Variants in ITPR1 observed in about 807,000 individuals in gnomAD.
The protein encoded by ITPR1 is inositol 1,4,5-trisphosphate receptor type 1.
ITPR1 carries 96 observed loss-of-function variants against 318.4 expected under a neutral mutation model. The observed-to-expected ratio is 0.30, with a 90% CI of 0.26 to 0.36. The LOEUF is 0.36. Ranked by LOEUF, ITPR1 falls within the 10% of genes least tolerant of loss-of-function variation. The pLI is 1.00. For missense variants in ITPR1, 2,440 were observed against 3,460.2 expected, an observed-to-expected ratio of 0.71 and a Z score of 7.40; for synonymous variants, 1,312 against 1,289.9, an observed-to-expected ratio of 1.02 and a Z score of -0.37.
At chr3:4,502,206 T>G (rs991989691) in intron 2 of ITPR1, among the ~76,000 whole-genome samples, 1 of 152,180 alleles carries the variant, frequency 6.6e-6, no homozygotes, top group Non-Finnish European at 1.5e-5. Flanking sequence ...CAGATCCTTC[T>G]ATTCCTTAGG....
chr3:4,832,437 C>G (rs1371372061), intron 60 of ITPR1, among the ~76,000 whole-genome samples: 1 of 152,110 alleles, frequency 6.6e-6, no homozygotes, highest in East Asian at 1.9e-4. Context: ...GTTGGATCAC[C>G]TGAGGTCAGG....
intron 61 of ITPR1, among the ~76,000 whole-genome samples, chr3:4,841,578 G>A (rs1295407683): frequency 2.0e-5 from 3 of 152,190 alleles, no homozygotes; most frequent in African/African-American, 7.2e-5. Context: ...GTCTAGAGTG[G>A]GAAACAAGTA....
intron 41 of ITPR1, among the ~76,000 whole-genome samples, chr3:4,725,913 A>G (rs1270046911): frequency 1.3e-5 from 2 of 152,186 alleles, no homozygotes; most frequent in Admixed American, 1.3e-4. Flanking sequence ...TACAAAATTG[A>G]CTTTGGGTCC....
intron 4 of ITPR1, among the ~76,000 whole-genome samples, chr3:4,559,524 G>A (rs1034089140): frequency 2.0e-5 from 3 of 152,116 alleles, no homozygotes; most frequent in African/African-American, 7.2e-5. Flanking sequence ...TTACATATCA[G>A]TTATTCTGGG....
chr3:4,840,692 T>C (rs1174783945), intron 61 of ITPR1, among the ~76,000 whole-genome samples: 1 of 152,232 alleles, frequency 6.6e-6, no homozygotes, highest in Admixed American at 6.5e-5. Context: ...TTGGTTAGGA[T>C]TGCTATTCTA....
chr3:4,540,593 C>CGT (rs1041306562), intron 4 of ITPR1, among the ~76,000 whole-genome samples: 10 of 151,898 alleles, frequency 6.6e-5, no homozygotes, highest in Middle Eastern at 3.4e-3. Context: ...TGTGTGTGCA[C>CGT]GTGTGTGTGT....
chr3:4,833,532 G>A (rs929102061), intron 60 of ITPR1, among the ~76,000 whole-genome samples: 3 of 152,202 alleles, frequency 2.0e-5, no homozygotes, highest in Non-Finnish European at 2.9e-5. Flanking sequence ...TGAGCTACAG[G>A]TGAGTTCCGA....
intron 60 of ITPR1, among the ~76,000 whole-genome samples, chr3:4,830,495 A>G (rs1283428365): frequency 6.6e-6 from 1 of 152,152 alleles, no homozygotes; most frequent in African/African-American, 2.4e-5. Flanking sequence ...AATGATTTAA[A>G]GTCCGTTAAG....
At chr3:4,839,048 C>T (rs1189872466) in intron 61 of ITPR1, among the ~76,000 whole-genome samples, 5 of 152,216 alleles carry the variant, frequency 3.3e-5, no homozygotes, top group South Asian at 2.1e-4. Context: ...AGGTATAGTG[C>T]CGGGCGTGGT....
In ITPR1 at chr3:4,529,095, G is replaced by C. The variant is rs1165227721; in HGVS notation, c.163+8001G>C. ...CAAGCTATGAGATGCATGTCTGAAG[G>C]CTCTGGGTACCCTGAAAATGAGCAT... On this transcript the variant is annotated intron_variant, in intron 4 of 61. Transcript: ENST00000649015. Among the ~76,000 whole-genome samples the C allele has an allele frequency of 3.9e-5, 6 of 152,228 alleles. No individual in the cohort carries two copies. In the East Asian group the frequency reaches 5.8e-4, roughly 15 times the overall value.
intron 36 of ITPR1, among the ~76,000 whole-genome samples, chr3:4,703,229 A>T (rs560073142): frequency 6.6e-6 from 1 of 152,328 alleles, no homozygotes; most frequent in Non-Finnish European, 1.5e-5. Flanking sequence ...AAGTAACGAT[A>T]CACACAGCTT....
chr3:4,754,053 G>T (rs71634749), intron 44 of ITPR1, among the ~76,000 whole-genome samples: 32,953 of 146,610 alleles, frequency 0.22, 4,988 homozygotes, highest in Middle Eastern at 0.46. Flanking sequence ...GAAAATGGGG[G>T]GGGGGTGGCA....
intron 4 of ITPR1, among the ~76,000 whole-genome samples, chr3:4,619,832 C>CTTG: frequency 7.1e-6 from 1 of 141,498 alleles, no homozygotes; most frequent in African/African-American, 2.6e-5. Flanking sequence ...CCTCCTCTCC[C>CTTG]CTCTCCCCTC....
intron 4 of ITPR1, among the ~76,000 whole-genome samples, chr3:4,600,008 G>C (rs1025688968): frequency 6.6e-6 from 1 of 152,186 alleles, no homozygotes; most frequent in Non-Finnish European, 1.5e-5. Flanking sequence ...CCCCCAGGAA[G>C]CCTGATGTGC....
chr3:4,611,591 A>AATAAATAAATAC (rs1379548839), intron 4 of ITPR1, among the ~76,000 whole-genome samples: 3 of 151,444 alleles, frequency 2.0e-5, no homozygotes, highest in African/African-American at 7.3e-5. Flanking sequence ...TAAATAAATA[A>AATAAATAAATAC]ATAAATTAGC....
chr3:4,561,238 G>C (rs140601601), intron 4 of ITPR1, among the ~76,000 whole-genome samples: 1 of 152,176 alleles, frequency 6.6e-6, no homozygotes, highest in Non-Finnish European at 1.5e-5. Context: ...TGATAATGAC[G>C]AGAGTGAAAT....
At chr3:4,677,547 C>T (rs940822375) in intron 24 of ITPR1, among the ~76,000 whole-genome samples, 2 of 152,048 alleles carry the variant, frequency 1.3e-5, no homozygotes, top group Non-Finnish European at 2.9e-5. Flanking sequence ...AACACAAAGA[C>T]CCCATGGTGA....
intron 44 of ITPR1, among the ~76,000 whole-genome samples, chr3:4,762,147 C>A (rs1210001813): frequency 1.3e-5 from 2 of 152,214 alleles, no homozygotes. Flanking sequence ...AACCCCACTT[C>A]TTTCTTCGGG....
intron 15 of ITPR1, 101 bp downstream of exon 15, chr3:4,662,343 A>G (rs1014712391): frequency 2.9e-6 from 3 of 1,049,292 alleles, no homozygotes; most frequent in Admixed American, 3.2e-5. Context: ...ACAGCTAAAC[A>G]TGGGGTAGCA....
Sources: gnomAD v4.1 joint callset for allele counts (sites outside exome capture counted in the v4.1 genomes callset) on GRCh38, gnomAD v4.1.1 for gene constraint, MANE v1.5 for transcripts, NCBI Gene and HGNC (gene_info 2026-07-23, HGNC 2026-07-21) for gene names.